MSANTD2: variants seen among roughly 807,000 people sequenced by gnomAD.
MSANTD2 encodes the protein Myb/SANT DNA binding domain containing 2.
A neutral mutation model predicts 52.6 loss-of-function variants in MSANTD2; 19 were observed. The observed-to-expected ratio is 0.36, with a 90% confidence interval of 0.25 to 0.53. MSANTD2 has a LOEUF of 0.53. Among genes scored for constraint, MSANTD2 ranks in the 20% least tolerant of loss-of-function variants. The pLI is 0.91. For missense variants in MSANTD2, 558 were observed against 716.3 expected, an observed-to-expected ratio of 0.78 and a Z score of 2.52; for synonymous variants, 291 against 289.7, an observed-to-expected ratio of 1.00 and a Z score of -0.04.
At chr11:124,792,608 C>T (rs1945367406) in intron 1 of MSANTD2, 1 of 152,144 alleles carries the variant, frequency 6.6e-6, no homozygotes, top group African/African-American at 2.4e-5. Flanking sequence ...GCACCATAAG[C>T]ATAACATTAA....
intron 1 of MSANTD2, among the ~76,000 whole-genome samples, chr11:124,780,839 G>A (rs1212873908): frequency 6.6e-6 from 1 of 152,140 alleles, no homozygotes; most frequent in African/African-American, 2.4e-5. Flanking sequence ...TCCTTTAAGA[G>A]GTAAATTAGC....
intron 1 of MSANTD2, among the ~76,000 whole-genome samples, chr11:124,785,718 T>C (rs1945137384): frequency 6.6e-6 from 1 of 152,092 alleles, no homozygotes; most frequent in African/African-American, 2.4e-5. Context: ...GTCTCATTCC[T>C]GGAAGAGGGA....
chr11:124,772,939 A>G, intron 3 of MSANTD2, 55 bp downstream of exon 3: 2 of 1,087,664 alleles, frequency 1.8e-6, no homozygotes, highest in East Asian at 2.4e-5. Context: ...GATCTTCCCA[A>G]TGGTCATTAA....
Position 124,791,474 on chromosome 11 carries a change from C to T in MSANTD2, c.510+8397G>A, listed in dbSNP as rs962217398. ...TCCCCACCTGCACTGGGAGGTCAGG[C>T]GAGTCACTCTCCTAAATGGCTGAGG... On this transcript the variant is annotated intron_variant, in intron 1 of 3. Transcript: ENST00000374979. 64 of 1,123,224 alleles carry T rather than the reference C, an allele frequency of 5.7e-5. 1 individual carries two copies. In the South Asian group the frequency reaches 6.2e-4, roughly 11 times the overall value. The allele number at this position is 1,123,224 out of a possible 1,614,324, so 69.6% of individuals were successfully genotyped here.
chr11:124,775,194 A>G (rs992179005), intron 1 of MSANTD2: 1 of 491,768 alleles, frequency 2.0e-6, no homozygotes, highest in African/African-American at 1.9e-5. Context: ...GCAATTAATT[A>G]TCCATTAAAC....
chr11:124,776,653 A>C (rs1236139722), intron 1 of MSANTD2, among the ~76,000 whole-genome samples: 1 of 152,252 alleles, frequency 6.6e-6, no homozygotes. Flanking sequence ...TCTATCAGAT[A>C]CTTTAAAAAT....
At chr11:124,778,186 T>C (rs1944817579) in intron 1 of MSANTD2, among the ~76,000 whole-genome samples, 1 of 152,178 alleles carries the variant, frequency 6.6e-6, no homozygotes, top group Non-Finnish European at 1.5e-5. Flanking sequence ...TCAATTCCCA[T>C]TTCAGACAGC....
chr11:124,771,332 A>G (rs1262860381), intron 3 of MSANTD2, among the ~76,000 whole-genome samples: 1 of 152,166 alleles, frequency 6.6e-6, no homozygotes, highest in Non-Finnish European at 1.5e-5. Context: ...AATTTGGGGG[A>G]AAAACTCCTC....
At chr11:124,770,959 C>A (rs1324650076) in intron 3 of MSANTD2, among the ~76,000 whole-genome samples, 1 of 152,058 alleles carries the variant, frequency 6.6e-6, no homozygotes, top group Non-Finnish European at 1.5e-5. Flanking sequence ...GGCTTGAACT[C>A]CTGACCTCGT....
intron 1 of MSANTD2, among the ~76,000 whole-genome samples, chr11:124,783,161 G>C (rs1389605535): frequency 6.6e-6 from 1 of 152,170 alleles, no homozygotes; most frequent in African/African-American, 2.4e-5. Context: ...CACAAACGAA[G>C]AGATCTTACC....
rs1320350959 is a variant in MSANTD2 at position 124,772,997 on chromosome 11, G to T, written c.824C>A (p.Ala275Glu). 2 of 1,578,956 alleles carry T rather than the reference G, an allele frequency of 1.3e-6. No homozygotes were observed. The highest frequency in any genetic ancestry group is 1.7e-5 in the Admixed American group (1 of 59,854). The part of the protein sequence containing the change: ...LKIKQESSEE[A>E]QKRDIMQNIV... ...GAAAGGTGAAGCATCTACTTACTGT[G>T]CTTCTTCAGAAGACTCTTGTTTTAT... The change falls in exon 3 of 4, where the codon GCA (alanine) becomes GAA (glutamate). Residue 275 changes from alanine to glutamate, a missense_variant. This residue lies in a region of MSANTD2 where 408 missense variants were observed against 573.6 expected (regional missense o/e 0.71). Coordinates refer to ENST00000374979, the MANE Select transcript of MSANTD2 (RefSeq NM_001308027.2).
At chr11:124,775,216 T>C (rs1944692507) in intron 1 of MSANTD2, 1 of 427,424 alleles carries the variant, frequency 2.3e-6, no homozygotes, top group Non-Finnish European at 4.2e-6. Context: ...ACAAGAAACA[T>C]TACAACATTA....
chr11:124,799,730 A>C (rs1945624305), intron 1 of MSANTD2, 141 bp downstream of exon 1: 1 of 601,690 alleles, frequency 1.7e-6, no homozygotes, highest in Non-Finnish European at 2.8e-6. Flanking sequence ...CAGGGAGAGA[A>C]GAAAAAGGCG....
intron 1 of MSANTD2, chr11:124,784,570 T>C: frequency 6.1e-6 from 6 of 984,354 alleles, no homozygotes; most frequent in Non-Finnish European, 7.2e-6. Context: ...TTTCCATTCA[T>C]GAGACCAATG....
chr11:124,798,275 T>C (rs890804231), intron 1 of MSANTD2, among the ~76,000 whole-genome samples: 1 of 136,186 alleles, frequency 7.3e-6, no homozygotes, highest in African/African-American at 2.9e-5. Flanking sequence ...ATGAGCCAGG[T>C]GTGGTGGGGC....
At chr11:124,772,742 CAAAAAAAAAAAAAAAA>C (rs57859579) in intron 3 of MSANTD2, among the ~76,000 whole-genome samples, 8 of 57,926 alleles carry the variant, frequency 1.4e-4, no homozygotes, top group Admixed American at 2.7e-4. Context: ...GATTCCGTCT[CAAAAAAAAAAAAAAAA>C]AAAAAAAAAA....
Position 124,768,955 on chromosome 11 carries a change from G to T in MSANTD2, c.828-927C>A, listed in dbSNP as rs546898357. On this transcript the variant is annotated intron_variant, in intron 3 of 3. Transcript: ENST00000374979. ...CAAGTACAGCAAAACTTTGATACTG[G>T]AAGATTGGTTCGTTAAATATTAACT... 2.0e-5 allele frequency among the ~76,000 whole-genome samples: 3 copies of T among 152,286 alleles called. No homozygotes were observed. In the East Asian group the frequency reaches 5.8e-4, roughly 29 times the overall value.
chr11:124,780,278 C>A (rs1022121014), intron 1 of MSANTD2, among the ~76,000 whole-genome samples: 1 of 152,196 alleles, frequency 6.6e-6, no homozygotes, highest in Admixed American at 6.5e-5. Context: ...CAAAATCCAT[C>A]TGGGGCCAGC....
intron 1 of MSANTD2, among the ~76,000 whole-genome samples, chr11:124,787,554 T>C (rs1052600324): frequency 2.0e-5 from 3 of 152,206 alleles, no homozygotes; most frequent in African/African-American, 7.2e-5. Flanking sequence ...CTAATTTTTG[T>C]ATTTTTAGTA....
Sources: gnomAD v4.1 joint callset for allele counts (sites outside exome capture counted in the v4.1 genomes callset) on GRCh38, gnomAD v4.1.1 for gene constraint, gnomAD v4.1.1 regional missense constraint, MANE v1.5 for transcripts, NCBI Gene and HGNC (gene_info 2026-07-23, HGNC 2026-07-21) for gene names.